ARMC2: variants seen among roughly 807,000 people sequenced by gnomAD.
ARMC2 encodes armadillo repeat-containing protein 2.
A neutral mutation model predicts 90.3 loss-of-function variants in ARMC2; 67 were observed. The ratio of observed to expected loss-of-function variants is 0.74; its 90% CI spans 0.61 to 0.91. ARMC2 has a LOEUF of 0.91. Ranked by LOEUF, ARMC2 falls within the 40% of genes least tolerant of loss-of-function variation. ARMC2 has a pLI of 0.00. For synonymous variants in ARMC2, 393 were observed against 393.0 expected, an observed-to-expected ratio of 1.00 and a Z score of 0.00; for missense variants, 920 against 1,030.9, an observed-to-expected ratio of 0.89 and a Z score of 1.47.
chr6:108,989,542 TATCTCTAGATCTAG>T, the ARMC2 span, among the ~76,000 whole-genome samples: 2 of 104,120 alleles, frequency 1.9e-5, no homozygotes, highest in Non-Finnish European at 4.0e-5. Context: ...GAGATAGAGA[TATCTCTAGATCTAG>T]ATCTCTAGAT....
chr6:109,034,504 C>T, the ARMC2 span, among the ~76,000 whole-genome samples: 2 of 152,078 alleles, frequency 1.3e-5, no homozygotes, highest in Non-Finnish European at 2.9e-5. Context: ...TGATCAGCAT[C>T]GTAGAAATGT....
rs1408589183 is a variant in ARMC2 at position 108,862,353 on chromosome 6, AAAAAAC to A, written c.291+4088_291+4093del. 4.1e-4 allele frequency among the ~76,000 whole-genome samples: 59 copies of A among 145,098 alleles called. No homozygotes were observed. The South Asian group carries it at 0.013, about 33-fold the overall frequency. ...AGTGAGACTCATCTCAAAAAAAAAA[AAAAAAC>A]AAAAAAAACAAACAAAACCAAAAAG... On this transcript the variant is annotated intron_variant, in intron 3 of 17. Transcript: ENST00000392644.
At chr6:108,925,357 T>C (rs1336734312) in intron 10 of ARMC2, among the ~76,000 whole-genome samples, 4 of 152,254 alleles carry the variant, frequency 2.6e-5, no homozygotes, top group Non-Finnish European at 5.9e-5. Context: ...ATTCCATTAA[T>C]AAATGCCTAT....
At chr6:109,007,909 C>T in the ARMC2 span, among the ~76,000 whole-genome samples, 1 of 151,324 alleles carries the variant, frequency 6.6e-6, no homozygotes, top group Admixed American at 6.6e-5. Flanking sequence ...TCAGGAGTTC[C>T]GTTTCTTGAA....
intron 15 of ARMC2, among the ~76,000 whole-genome samples, chr6:108,963,368 C>T (rs1161941590): frequency 6.6e-6 from 1 of 152,186 alleles, no homozygotes; most frequent in Non-Finnish European, 1.5e-5. Context: ...AAACCATGCC[C>T]CATCCTCTCA....
intron 7 of ARMC2, among the ~76,000 whole-genome samples, chr6:108,901,494 C>T (rs1562368985): frequency 6.6e-6 from 1 of 152,062 alleles, no homozygotes. Context: ...CAGCTCACTG[C>T]AACCTCCATC....
At chr6:108,914,948 G>A (rs1183816199) in intron 10 of ARMC2, among the ~76,000 whole-genome samples, 1 of 142,396 alleles carries the variant, frequency 7.0e-6, no homozygotes, top group Non-Finnish European at 1.5e-5. Flanking sequence ...AGCTCAGCAG[G>A]CATTTTTTTT....
chr6:108,969,025 T>A (rs2128518911), intron 17 of ARMC2, among the ~76,000 whole-genome samples: 1 of 152,328 alleles, frequency 6.6e-6, no homozygotes, highest in Middle Eastern at 3.4e-3. Context: ...CAGACTACCA[T>A]GAGCCCCTCT....
At chr6:109,033,714 T>C in the ARMC2 span, among the ~76,000 whole-genome samples, 491 of 152,294 alleles carry the variant, frequency 3.2e-3, 7 homozygotes, top group Non-Finnish European at 2.3e-3. Flanking sequence ...TTTGATAATA[T>C]GAAAACTGCT....
intron 4 of ARMC2, among the ~76,000 whole-genome samples, chr6:108,873,342 TG>T (rs940703094): frequency 3.3e-5 from 5 of 151,866 alleles, no homozygotes; most frequent in African/African-American, 7.3e-5. Flanking sequence ...TGAGCTCTGG[TG>T]GGGGTGGCGG....
At chr6:108,959,663 C>A (rs907441515) in intron 13 of ARMC2, 3 of 151,888 alleles carry the variant, frequency 2.0e-5, no homozygotes, top group Non-Finnish European at 4.4e-5. Flanking sequence ...TTGCCCAGCT[C>A]TTTTTTATTT....
At chr6:108,962,361 C>A (rs1265625285) in intron 15 of ARMC2, among the ~76,000 whole-genome samples, 1 of 152,140 alleles carries the variant, frequency 6.6e-6, no homozygotes, top group African/African-American at 2.4e-5. Context: ...CTAATGGAAA[C>A]AGTGAATCTT....
chr6:108,976,387 A>G (rs1778983650), downstream of ARMC2, among the ~76,000 whole-genome samples: 1 of 152,060 alleles, frequency 6.6e-6, no homozygotes, highest in African/African-American at 2.4e-5. Context: ...TACCAGTACC[A>G]TGCTGTTTTT....
rs968858302 is a variant in ARMC2 at position 108,966,630 on chromosome 6, A to AT, written c.2446+1499dup. Reference sequence around the variant, plus strand: ...ACACAATAAGGAAAAAAAAGTGAGCATTTTTTTTTAATCATTGAGGTTCAC... The same window carrying AT: ...ACACAATAAGGAAAAAAAAGTGAGCATTTTTTTTTTAATCATTGAGGTTCAC... On this transcript the variant is annotated intron_variant, in intron 17 of 17. Transcript: ENST00000392644. Among the ~76,000 whole-genome samples the AT allele has an allele frequency of 2.6e-4, 39 of 151,636 alleles. 1 individual carries two copies. In the South Asian group the frequency reaches 2.7e-3, roughly 11 times the overall value.
the ARMC2 span, among the ~76,000 whole-genome samples, chr6:108,990,988 T>A: frequency 6.6e-6 from 1 of 152,196 alleles, no homozygotes; most frequent in African/African-American, 2.4e-5. Context: ...CTCCAATCTT[T>A]TTTTCAATTC....
intron 3 of ARMC2, among the ~76,000 whole-genome samples, chr6:108,858,773 C>G (rs1165980885): frequency 6.6e-6 from 1 of 152,044 alleles, no homozygotes; most frequent in Non-Finnish European, 1.5e-5. Context: ...TTCATTGTTC[C>G]CTCCTCAGTG....
At chr6:108,922,168 G>A (rs1774642084) in intron 10 of ARMC2, among the ~76,000 whole-genome samples, 1 of 152,142 alleles carries the variant, frequency 6.6e-6, no homozygotes, top group Admixed American at 6.5e-5. Flanking sequence ...GCCCCACCTC[G>A]CACCCACCCA....
chr6:109,020,567 T>C, the ARMC2 span, among the ~76,000 whole-genome samples: 1 of 152,134 alleles, frequency 6.6e-6, no homozygotes, highest in Non-Finnish European at 1.5e-5. Flanking sequence ...ACTGAACAAA[T>C]TGCACAGTGC....
intron 5 of ARMC2, among the ~76,000 whole-genome samples, chr6:108,878,832 A>G (rs1385449888): frequency 1.3e-5 from 2 of 152,190 alleles, no homozygotes; most frequent in East Asian, 1.9e-4. Context: ...TTGTATTACT[A>G]TATGGATTGA....
Sources: gnomAD v4.1 joint callset for allele counts (sites outside exome capture counted in the v4.1 genomes callset) on GRCh38, gnomAD v4.1.1 for gene constraint, MANE v1.5 for transcripts, NCBI Gene and HGNC (gene_info 2026-07-23, HGNC 2026-07-21) for gene names.